RBM4: variants seen among roughly 807,000 people sequenced by gnomAD.
The protein encoded by RBM4 is RNA binding motif protein 4.
A neutral mutation model predicts 29.5 loss-of-function variants in RBM4; 7 were observed. The observed-to-expected ratio is 0.24, with a 90% CI of 0.14 to 0.45. RBM4 has a LOEUF of 0.45. Among genes scored for constraint, RBM4 ranks in the 20% least tolerant of loss-of-function variants. RBM4 has a pLI of 1.00. For missense variants in RBM4, 387 were observed against 502.3 expected, an observed-to-expected ratio of 0.77 and a Z score of 2.19; for synonymous variants, 220 against 205.4, an observed-to-expected ratio of 1.07 and a Z score of -0.61.
chr11:66,654,970 G>A (rs1407563929), intron 2 of RBM4, among the ~76,000 whole-genome samples: 12 of 150,304 alleles, frequency 8.0e-5, no homozygotes, highest in South Asian at 2.1e-4. Context: ...GATTACAGGC[G>A]CATACCACCA....
chr11:66,659,938 G>A (rs1330985772), intron 2 of RBM4, among the ~76,000 whole-genome samples: 1 of 150,698 alleles, frequency 6.6e-6, no homozygotes, highest in Non-Finnish European at 1.5e-5. Flanking sequence ...TGTTTCTTTC[G>A]TTACTTAGAA....
At chr11:66,652,768 G>A (rs1938859962) in intron 2 of RBM4, among the ~76,000 whole-genome samples, 1 of 152,130 alleles carries the variant, frequency 6.6e-6, no homozygotes, top group South Asian at 2.1e-4. Flanking sequence ...TACTACAGAG[G>A]CTGAGGTGCA....
Position 66,654,613 on chromosome 11 carries a change from C to G in RBM4, c.413-11243C>G, listed in dbSNP as rs376717348. Among the ~76,000 whole-genome samples, 15 of 151,654 alleles carry G rather than the reference C, an allele frequency of 9.9e-5. No homozygotes were observed. The South Asian group carries it at 2.3e-3, about 23-fold the overall frequency. On this transcript the variant is annotated intron_variant, in intron 2 of 2. Transcript: ENST00000396053. ...ATCTCCCAGGCTGAAGCTATCCTCT[C>G]GCCTCAGCCTCCTGGGTAGCTGGGA... is the stretch of plus-strand genomic sequence containing the variant.
chr11:66,642,551 C>T (rs1331614399), intron 2 of RBM4, among the ~76,000 whole-genome samples: 3 of 152,118 alleles, frequency 2.0e-5, no homozygotes, highest in East Asian at 1.9e-4. Flanking sequence ...GGTGTATGTT[C>T]TTAGTTACGC....
downstream of RBM4, among the ~76,000 whole-genome samples, chr11:66,651,354 T>C (rs895728915): frequency 6.6e-6 from 1 of 151,628 alleles, no homozygotes; most frequent in Non-Finnish European, 1.5e-5. Context: ...AAGTACTTTT[T>C]TTTTTTTTTT....
intron 3 of RBM4, among the ~76,000 whole-genome samples, chr11:66,645,136 A>T (rs1218982149): frequency 6.6e-6 from 1 of 152,178 alleles, no homozygotes; most frequent in Admixed American, 6.5e-5. Flanking sequence ...CTCTTGAGCC[A>T]GCAGCTCTAC....
At chr11:66,654,108 C>T (rs954484567) in intron 2 of RBM4, among the ~76,000 whole-genome samples, 22 of 152,086 alleles carry the variant, frequency 1.4e-4, no homozygotes, top group African/African-American at 4.1e-4. Flanking sequence ...TCACTGCAGC[C>T]GTAGCTCGCA....
Position 66,644,109 on chromosome 11 carries a change from C to G in RBM4, c.1072C>G (p.Arg358Gly). ...GTATGAGCGGGAGCAGTATGCCGAT[C>G]GGGCGCGGTACTCAGCCTTTTAAAG... ...ARYEREQYADRARYSAF is the reference protein window; with the variant it reads ...ARYEREQYADGARYSAF Residue 358 changes from arginine (R) to glycine (G), a missense_variant, in exon 3 of 4, where the codon CGG (arginine) becomes GGG (glycine). By Grantham distance (125) the Arg-to-Gly change is moderately radical. This residue lies in a region of RBM4 where 281 missense variants were observed against 288.7 expected (regional missense o/e 0.97). Coordinates refer to ENST00000310092, the MANE Select transcript of RBM4 (RefSeq NM_002896.4). 1 of 1,613,714 alleles carries G rather than the reference C, an allele frequency of 6.2e-7. No homozygotes were observed. Among genetic ancestry groups the G allele is most frequent in the Non-Finnish European group, 8.5e-7 (1 of 1,179,836 alleles).
chr11:66,640,545 C>T (rs938686634), intron 2 of RBM4: 3 of 326,968 alleles, frequency 9.2e-6, no homozygotes, highest in Non-Finnish European at 1.7e-5. Flanking sequence ...TCAAGCGACA[C>T]TTATAGGACC....
chr11:66,661,022 T>C (rs1939073318), intron 2 of RBM4, among the ~76,000 whole-genome samples: 1 of 152,134 alleles, frequency 6.6e-6, no homozygotes, highest in Admixed American at 6.5e-5. Context: ...TGCTACCTCA[T>C]TGGGTTCTTG....
rs1015513666 is a variant in RBM4 at position 66,652,927 on chromosome 11, GT to G, written c.412+12805del. On this transcript the variant is annotated intron_variant, in intron 2 of 2. Coordinates refer to the RBM4 transcript ENST00000396053. ...GACAAGACACCAAAGGAGAAAGTACGTAGCTAGTGATGAGTGAATTGAGCAT... is the reference window on the plus strand; with the variant it reads ...GACAAGACACCAAAGGAGAAAGTACGAGCTAGTGATGAGTGAATTGAGCAT... Among the ~76,000 whole-genome samples the G allele has an allele frequency of 6.6e-5, 10 of 152,160 alleles. 1 individual carries two copies. Among genetic ancestry groups the G allele is most frequent in the Admixed American group, 5.9e-4 (9 of 15,260 alleles).
At chr11:66,652,882 T>G (rs1938862245) in intron 2 of RBM4, among the ~76,000 whole-genome samples, 1 of 152,166 alleles carries the variant, frequency 6.6e-6, no homozygotes, top group African/African-American at 2.4e-5. Flanking sequence ...ACAGGGATGG[T>G]GCTTCCTGTC....
chr11:66,647,265 A>G (rs1205689455), downstream of RBM4, among the ~76,000 whole-genome samples: 3 of 152,216 alleles, frequency 2.0e-5, no homozygotes, highest in African/African-American at 7.2e-5. Flanking sequence ...GCCAGGCATT[A>G]CCCTTTCAGG....
At chr11:66,642,963 C>T (rs1938532654) in intron 2 of RBM4, among the ~76,000 whole-genome samples, 1 of 152,160 alleles carries the variant, frequency 6.6e-6, no homozygotes, top group Non-Finnish European at 1.5e-5. Context: ...CTAGATCATT[C>T]TTTAATAGTG....
chr11:66,658,943 A>T lies in RBM4; in HGVS notation c.413-6913A>T, dbSNP rs1423693533. Among the ~76,000 whole-genome samples the T allele has an allele frequency of 7.5e-5, 11 of 146,860 alleles. No individual in the cohort carries two copies. In the East Asian group the frequency reaches 2.0e-3, roughly 26 times the overall value. On this transcript the variant is annotated intron_variant, in intron 2 of 2. Transcript: ENST00000396053. ...CAGAGCAAGAGTGTCTCTCAAAAAAAAAAAATATATATATATATATATTCA... is the reference window on the plus strand; with the variant it reads ...CAGAGCAAGAGTGTCTCTCAAAAAATAAAAATATATATATATATATATTCA...
intron 2 of RBM4, among the ~76,000 whole-genome samples, chr11:66,654,776 CCAAAGTGGTGG>C (rs1751979176): frequency 1.3e-5 from 2 of 151,336 alleles, no homozygotes; most frequent in South Asian, 4.2e-4. Context: ...CCTCAGCCTA[CCAAAGTGGTGG>C]GATTACAGGT....
chr11:66,648,812 C>CA (rs1193172838), downstream of RBM4, among the ~76,000 whole-genome samples: 40 of 148,624 alleles, frequency 2.7e-4, no homozygotes, highest in African/African-American at 5.7e-4. Context: ...AGACTTCTCT[C>CA]AAAAAAAAAA....
At position 66,643,618 on chromosome 11, in the gene RBM4, A is replaced by G. The variant is rs1664977739; in HGVS notation, c.581A>G (p.Tyr194Cys). 1 of 1,614,078 alleles carries G rather than the reference A, an allele frequency of 6.2e-7. No individual in the cohort carries two copies. The highest frequency in any genetic ancestry group is 1.7e-5 in the Admixed American group (1 of 60,004). Reference sequence around the variant, plus strand: ...TTGACCGAGCAATATAATGAGCAATACGGAGCAGTGCGTACGCCTTACACC... The same window carrying G: ...TTGACCGAGCAATATAATGAGCAATGCGGAGCAGTGCGTACGCCTTACACC... Reference protein sequence around the residue: ...ADLTEQYNEQYGAVRTPYTMS... With the variant: ...ADLTEQYNEQCGAVRTPYTMS... Residue 194 changes from tyrosine (Y) to cysteine (C), a missense_variant, in exon 3 of 4, where the codon TAC becomes TGC. Around this residue, in one of 2 missense-constraint regions of RBM4, gnomAD observed 281 missense variants for 288.7 expected, o/e 0.97. Coordinates refer to ENST00000310092, the MANE Select transcript of RBM4 (RefSeq NM_002896.4). The surrounding 1 kb of genome is among the most constrained non-coding windows in gnomAD (Gnocchi z 6.1).
chr11:66,640,197 A>AG (rs760377986), intron 2 of RBM4, 74 bp downstream of exon 2: 1 of 1,588,186 alleles, frequency 6.3e-7, no homozygotes, highest in Non-Finnish European at 8.6e-7. Flanking sequence ...GTAAAAGGAG[A>AG]GGTTTGGTAA....
Sources: allele counts gnomAD v4.1 joint callset (sites outside exome capture counted in the v4.1 genomes callset), GRCh38; gene constraint gnomAD v4.1.1; regional missense constraint gnomAD v4.1.1; non-coding constraint Gnocchi (gnomAD v3.1); transcripts MANE v1.5; gene names NCBI Gene and HGNC (gene_info 2026-07-23, HGNC 2026-07-21).